Variants in ATRNL1 observed in about 807,000 individuals in gnomAD.
The protein encoded by ATRNL1 is attractin-like protein 1.
Under a neutral mutation model 182.7 loss-of-function variants are expected in ATRNL1, and 95 were observed. The ratio of observed to expected loss-of-function variants is 0.52; its 90% CI spans 0.44 to 0.62. The LOEUF is 0.62. Among genes scored for constraint, ATRNL1 ranks in the 20% least tolerant of loss-of-function variants. The pLI is 0.00. For synonymous variants in ATRNL1, 576 were observed against 568.3 expected, an observed-to-expected ratio of 1.01 and a Z score of -0.19; for missense variants, 1,471 against 1,679.5, an observed-to-expected ratio of 0.88 and a Z score of 2.17.
chr10:115,870,514 C>T (rs1163669327), intron 28 of ATRNL1, among the ~76,000 whole-genome samples: 1 of 152,180 alleles, frequency 6.6e-6, no homozygotes, highest in Non-Finnish European at 1.5e-5. Context: ...GAGGTAAGCA[C>T]TGGTTATCTG....
At chr10:115,642,338 C>T (rs574594938) in intron 26 of ATRNL1, among the ~76,000 whole-genome samples, 2 of 152,160 alleles carry the variant, frequency 1.3e-5, no homozygotes, top group African/African-American at 4.8e-5. Context: ...GAATACCGAA[C>T]TAATGAAGAA....
At chr10:115,694,170 A>ACG (rs151195550) in intron 26 of ATRNL1, among the ~76,000 whole-genome samples, 1,288 of 49,308 alleles carry the variant, frequency 0.026, 10 homozygotes, top group Non-Finnish European at 0.045. Context: ...GTCTACACAG[A>ACG]CGCACACACA....
At position 115,223,929 on chromosome 10, in the gene ATRNL1, A is replaced by ATATTTTTTTTTTTTTTTTTTT; in HGVS notation, c.1532+8050_1532+8051insATTTTTTTTTTTTTTTTTTTT. Among the ~76,000 whole-genome samples, 2 of 44,732 alleles carry ATATTTTTTTTTTTTTTTTTTT rather than the reference A, an allele frequency of 4.5e-5. 1 individual carries two copies. Among genetic ancestry groups the ATATTTTTTTTTTTTTTTTTTT allele is most frequent in the Non-Finnish European group, 9.0e-5 (2 of 22,278 alleles). 29.3% of individuals were successfully genotyped at this position (44,732 alleles called of 152,430 possible). A position where few individuals can be genotyped will look rare whatever the true frequency, so the allele number is the denominator to read the frequency against. The stretch of plus-strand genomic sequence containing the variant: ...TGTGTGTGTGTATATATATATATAT[A>ATATTTTTTTTTTTTTTTTTTT]TTTTTTTTTTTTTTTTTTTTCTTTG... On this transcript the variant is annotated intron_variant, in intron 9 of 28. Coordinates refer to ENST00000355044, the MANE Select transcript of ATRNL1 (RefSeq NM_207303.4).
At chr10:115,461,915 G>T (rs782032109) in intron 21 of ATRNL1, 26 bp from the exon 22 acceptor site, 13 of 1,528,618 alleles carry the variant, frequency 8.5e-6, no homozygotes, top group East Asian at 4.6e-5. Context: ...TACATATCAG[G>T]ATTGTACTTT....
At chr10:115,152,815 A>C (rs1037779251) in intron 5 of ATRNL1, among the ~76,000 whole-genome samples, 37 of 152,244 alleles carry the variant, frequency 2.4e-4, no homozygotes, top group African/African-American at 8.7e-4. Context: ...GAATGCTTCC[A>C]GTTTTTGCCC....
intron 27 of ATRNL1, chr10:115,819,772 C>T (rs1401989607): frequency 1.3e-5 from 2 of 152,002 alleles, no homozygotes; most frequent in East Asian, 3.9e-4. Flanking sequence ...TTCTTCCACC[C>T]CAAGTCACTG....
At chr10:115,367,791 A>T (rs1371390793) in intron 19 of ATRNL1, among the ~76,000 whole-genome samples, 58 of 17,066 alleles carry the variant, frequency 3.4e-3, no homozygotes, top group African/African-American at 0.016. Flanking sequence ...TGAGGTGTCA[A>T]GTGTGCCCCT....
intron 27 of ATRNL1, among the ~76,000 whole-genome samples, chr10:115,780,319 G>T (rs1290901296): frequency 1.3e-5 from 2 of 152,206 alleles, no homozygotes; most frequent in African/African-American, 2.4e-5. Flanking sequence ...TTGAGTATTA[G>T]CAAGCCTCAA....
At chr10:115,660,739 A>C (rs1160643054) in intron 26 of ATRNL1, among the ~76,000 whole-genome samples, 1 of 152,124 alleles carries the variant, frequency 6.6e-6, no homozygotes, top group Non-Finnish European at 1.5e-5. Context: ...GAGTGAGTAA[A>C]AATAACTCTT....
At chr10:115,512,533 T>A (rs975724457) in intron 24 of ATRNL1, among the ~76,000 whole-genome samples, 1 of 151,348 alleles carries the variant, frequency 6.6e-6, no homozygotes, top group Admixed American at 6.6e-5. Flanking sequence ...ATTTCTAAAT[T>A]ACATTCATTT....
intron 26 of ATRNL1, among the ~76,000 whole-genome samples, chr10:115,616,951 C>T (rs12245317): frequency 0.011 from 1,660 of 152,320 alleles, 27 homozygotes; most frequent in African/African-American, 0.038. Context: ...CTACACAGAG[C>T]CCTCACTGGG....
chr10:115,550,086 A>T (rs1289286755), intron 26 of ATRNL1, among the ~76,000 whole-genome samples: 3 of 151,880 alleles, frequency 2.0e-5, no homozygotes, highest in Non-Finnish European at 3.0e-5. Context: ...AAAATTGATG[A>T]AAACAATAAT....
intron 21 of ATRNL1, among the ~76,000 whole-genome samples, chr10:115,441,849 G>A (rs1846697437): frequency 6.6e-6 from 1 of 151,686 alleles, no homozygotes; most frequent in Non-Finnish European, 1.5e-5. Flanking sequence ...ACTTCTTTGA[G>A]CCCCCCTCTC....
chr10:115,698,985 A>T (rs917624943), intron 26 of ATRNL1, among the ~76,000 whole-genome samples: 1 of 152,128 alleles, frequency 6.6e-6, no homozygotes, highest in Non-Finnish European at 1.5e-5. Context: ...AGTAAATATG[A>T]TTTTTTTAAT....
At chr10:115,805,513 T>C (rs1283088546) in intron 27 of ATRNL1, among the ~76,000 whole-genome samples, 1 of 152,186 alleles carries the variant, frequency 6.6e-6, no homozygotes, top group African/African-American at 2.4e-5. Flanking sequence ...TTTACTACTA[T>C]TTCCATCTGT....
chr10:115,396,884 C>T (rs538147106), intron 20 of ATRNL1, among the ~76,000 whole-genome samples: 20 of 151,810 alleles, frequency 1.3e-4, no homozygotes, highest in African/African-American at 4.6e-4. Flanking sequence ...GGCATATGTG[C>T]AAAATATTAG....
At chr10:115,531,761 G>C (rs1440243566) in intron 25 of ATRNL1, among the ~76,000 whole-genome samples, 10 of 150,202 alleles carry the variant, frequency 6.7e-5, no homozygotes, top group East Asian at 1.9e-4. Flanking sequence ...TATGGTTTTA[G>C]GTCTAACGTT....
intron 26 of ATRNL1, among the ~76,000 whole-genome samples, chr10:115,622,899 C>T (rs1555023493): frequency 3.9e-5 from 6 of 151,968 alleles, no homozygotes; most frequent in African/African-American, 1.5e-4. Flanking sequence ...TCCACTCCAG[C>T]CTAGGTGACA....
intron 28 of ATRNL1, among the ~76,000 whole-genome samples, chr10:115,858,128 T>G (rs1323630326): frequency 6.6e-6 from 1 of 152,206 alleles, no homozygotes; most frequent in Non-Finnish European, 1.5e-5. Context: ...TGAAAGACAG[T>G]ATGGTAATTC....
Sources: gnomAD v4.1 joint callset for allele counts (sites outside exome capture counted in the v4.1 genomes callset) on GRCh38, gnomAD v4.1.1 for gene constraint, MANE v1.5 for transcripts, NCBI Gene and HGNC (gene_info 2026-07-23, HGNC 2026-07-21) for gene names.